Variants in NPAS3 observed in about 807,000 individuals in gnomAD.
NPAS3 encodes neuronal PAS domain-containing protein 3.
NPAS3 carries 14 observed loss-of-function variants against 73.1 expected under a neutral mutation model. The observed-to-expected ratio is 0.19, with a 90% CI of 0.13 to 0.30. The LOEUF is 0.30. Ranked by LOEUF, NPAS3 falls within the 10% of genes least tolerant of loss-of-function variation. The pLI is 1.00. For missense variants in NPAS3, 1,096 were observed against 1,250.0 expected, an observed-to-expected ratio of 0.88 and a Z score of 1.86; for synonymous variants, 620 against 541.5, an observed-to-expected ratio of 1.14 and a Z score of -2.01.
rs947729810 is a variant in NPAS3, at chr14:33,541,854, A to T, written c.469-18267A>T. Among the ~76,000 whole-genome samples, 3 of 152,160 alleles carry T rather than the reference A, an allele frequency of 2.0e-5. No homozygotes were observed. The East Asian group carries it at 5.8e-4, about 29-fold the overall frequency. On this transcript the variant is annotated intron_variant, in intron 4 of 11. Transcript: ENST00000356141. ...TTCCAATTTACCAGCTAAACCACAGACTGTGGGGATGTGCATACCTGCCCA... is the reference window on the plus strand; with the variant it reads ...TTCCAATTTACCAGCTAAACCACAGTCTGTGGGGATGTGCATACCTGCCCA...
intron 2 of NPAS3, among the ~76,000 whole-genome samples, chr14:33,089,477 C>T (rs996810495): frequency 6.6e-6 from 1 of 152,108 alleles, no homozygotes; most frequent in African/African-American, 2.4e-5. Flanking sequence ...TGAACAAAGC[C>T]TCCAAGAAAT....
intron 3 of NPAS3, among the ~76,000 whole-genome samples, chr14:33,334,235 T>A (rs894856188): frequency 6.6e-6 from 1 of 152,170 alleles, no homozygotes; most frequent in African/African-American, 2.4e-5. Flanking sequence ...TGAAGTATAT[T>A]TTATATACTG....
intron 2 of NPAS3, among the ~76,000 whole-genome samples, chr14:33,080,058 A>G (rs2041816347): frequency 6.6e-6 from 1 of 152,206 alleles, no homozygotes; most frequent in Non-Finnish European, 1.5e-5. Flanking sequence ...GAGACAAGGT[A>G]CAATATCAGC....
intron 2 of NPAS3, among the ~76,000 whole-genome samples, chr14:33,058,313 T>A (rs2138552578): frequency 6.6e-6 from 1 of 152,276 alleles, no homozygotes; most frequent in South Asian, 2.1e-4. Flanking sequence ...CTACATCAAT[T>A]TCTGGTGAAG....
chr14:33,195,017 C>T (rs536202693), intron 2 of NPAS3, among the ~76,000 whole-genome samples: 1 of 152,196 alleles, frequency 6.6e-6, no homozygotes, highest in East Asian at 1.9e-4. Context: ...TACCCATGGT[C>T]AAAAGTACTG....
At chr14:33,687,127 A>G (rs2060111770) in intron 6 of NPAS3, among the ~76,000 whole-genome samples, 1 of 152,218 alleles carries the variant, frequency 6.6e-6, no homozygotes. Flanking sequence ...GTCAGTCTGT[A>G]GCCAGGAGCT....
At chr14:32,943,225 G>A (rs2036102281) in intron 1 of NPAS3, among the ~76,000 whole-genome samples, 1 of 151,724 alleles carries the variant, frequency 6.6e-6, no homozygotes, top group African/African-American at 2.4e-5. Context: ...AGTGTTATTA[G>A]TAAGGTTTTG....
chr14:33,674,364 T>C (rs1350995278), intron 5 of NPAS3, among the ~76,000 whole-genome samples: 3 of 152,228 alleles, frequency 2.0e-5, no homozygotes, highest in Non-Finnish European at 2.9e-5. Context: ...AGTGCTACAA[T>C]TGGACTCCAT....
chr14:33,782,913 T>C (rs1029240130), intron 9 of NPAS3, among the ~76,000 whole-genome samples: 3 of 152,156 alleles, frequency 2.0e-5, no homozygotes, highest in Non-Finnish European at 2.9e-5. Flanking sequence ...AGCTACCTGA[T>C]ATAATGCATT....
intron 7 of NPAS3, among the ~76,000 whole-genome samples, chr14:33,759,039 G>T (rs577015739): frequency 2.6e-5 from 4 of 152,308 alleles, no homozygotes; most frequent in African/African-American, 9.6e-5. Flanking sequence ...TCGAAGGGTA[G>T]ATAAACCAAA....
At chr14:33,057,209 G>A (rs1204846100) in intron 2 of NPAS3, among the ~76,000 whole-genome samples, 3 of 152,184 alleles carry the variant, frequency 2.0e-5, no homozygotes, top group Non-Finnish European at 4.4e-5. Context: ...TATACATGTA[G>A]TTATCTCTGG....
At chr14:33,153,304 G>T (rs375809624) in intron 2 of NPAS3, among the ~76,000 whole-genome samples, 1 of 151,908 alleles carries the variant, frequency 6.6e-6, no homozygotes. Flanking sequence ...TGGTTAAGTG[G>T]TTTGGAAGTT....
At chr14:33,218,858 A>G (rs1167696026) in intron 3 of NPAS3, among the ~76,000 whole-genome samples, 2 of 152,182 alleles carry the variant, frequency 1.3e-5, no homozygotes, top group Non-Finnish European at 2.9e-5. Context: ...TTAACAGTCC[A>G]TAAAGGTTGA....
At chr14:33,191,668 G>A (rs1274728314) in intron 2 of NPAS3, among the ~76,000 whole-genome samples, 3 of 152,202 alleles carry the variant, frequency 2.0e-5, no homozygotes, top group African/African-American at 7.2e-5. Flanking sequence ...TATGTGAAAT[G>A]TGGATCATAA....
Position 33,421,028 on chromosome 14 carries a change from G to T in NPAS3, c.468+53760G>T, listed in dbSNP as rs185830673. 4.0e-3 allele frequency among the ~76,000 whole-genome samples: 611 copies of T among 152,018 alleles called. 5 individuals carry two copies. The highest frequency in any genetic ancestry group is 9.5e-3 in the Admixed American group (144 of 15,238). ...TGCTGTCGAATAACCAGGTTTTCAT[G>T]CTATATTACTTTGTTGTTAAAATTG... On this transcript the variant is annotated intron_variant, in intron 4 of 11. Transcript: ENST00000356141.
intron 2 of NPAS3, among the ~76,000 whole-genome samples, chr14:33,154,651 A>G (rs2044582822): frequency 6.6e-6 from 1 of 152,236 alleles, no homozygotes; most frequent in African/African-American, 2.4e-5. Context: ...AATACTGGGA[A>G]AAAATACATA....
chr14:32,982,070 G>A (rs1261582363), intron 1 of NPAS3, among the ~76,000 whole-genome samples: 2 of 152,184 alleles, frequency 1.3e-5, no homozygotes, highest in African/African-American at 2.4e-5. Context: ...ACCACAGACT[G>A]GGTAATCTAT....
chr14:33,198,524 C>T (rs773522036), intron 2 of NPAS3, among the ~76,000 whole-genome samples: 9 of 152,116 alleles, frequency 5.9e-5, no homozygotes, highest in African/African-American at 1.4e-4. Context: ...CTGATTGGTG[C>T]GTTTGCAAAC....
chr14:33,699,398 C>A (rs191237695), intron 6 of NPAS3, among the ~76,000 whole-genome samples: 1 of 151,880 alleles, frequency 6.6e-6, no homozygotes. Flanking sequence ...TTTCTGAAAC[C>A]GAAGCGCACT....
Sources: allele counts gnomAD v4.1 joint callset (sites outside exome capture counted in the v4.1 genomes callset), GRCh38; gene constraint gnomAD v4.1.1; transcripts MANE v1.5; gene names NCBI Gene and HGNC (gene_info 2026-07-23, HGNC 2026-07-21).